Variants in TASP1 observed in about 807,000 individuals in gnomAD.
TASP1 encodes the protein taspase 1, also known as threonine aspartase 1.
A neutral mutation model predicts 56.6 loss-of-function variants in TASP1; 16 were observed. The ratio of observed to expected loss-of-function variants is 0.28; its 90% CI spans 0.19 to 0.43. TASP1 has a LOEUF of 0.43. TASP1 is among the 20% of genes least tolerant of loss of function. TASP1 has a pLI of 1.00. For missense variants in TASP1, 393 were observed against 511.6 expected (o/e 0.77, Z 2.24); for synonymous variants, 179 against 184.2 (o/e 0.97, Z 0.23).
intron 13 of TASP1, among the ~76,000 whole-genome samples, chr20:13,396,952 A>G (rs1185188870): frequency 1.3e-5 from 2 of 152,352 alleles, no homozygotes; most frequent in African/African-American, 2.4e-5. Flanking sequence ...TGAGAACAGC[A>G]TATTCTTCCA....
the TASP1 span, among the ~76,000 whole-genome samples, chr20:13,272,948 G>A: frequency 6.6e-6 from 1 of 152,200 alleles, no homozygotes; most frequent in South Asian, 2.1e-4. Context: ...TCCCAGAGGT[G>A]GGAATGTCAC....
the TASP1 span, chr20:13,168,093 G>A: frequency 6.6e-6 from 1 of 151,796 alleles, no homozygotes; most frequent in Non-Finnish European, 1.5e-5. Flanking sequence ...ATTCATTTGG[G>A]TAAAATTATG....
At chr20:13,148,349 C>T in the TASP1 span, among the ~76,000 whole-genome samples, 1 of 152,144 alleles carries the variant, frequency 6.6e-6, no homozygotes, top group African/African-American at 2.4e-5. Flanking sequence ...AGCCAGAAAT[C>T]AGAAGAGATA....
the TASP1 span, among the ~76,000 whole-genome samples, chr20:13,273,184 C>T: frequency 3.3e-5 from 4 of 120,676 alleles, no homozygotes; most frequent in Non-Finnish European, 6.9e-5. Context: ...TCTGAAAATT[C>T]CCATTCCCTA....
chr20:13,133,888 C>A, the TASP1 span, among the ~76,000 whole-genome samples: 3 of 152,208 alleles, frequency 2.0e-5, no homozygotes, highest in African/African-American at 4.8e-5. Flanking sequence ...CCCCACCTGG[C>A]AACCTTTATT....
the TASP1 span, among the ~76,000 whole-genome samples, chr20:13,124,942 T>G: frequency 2.0e-5 from 3 of 152,136 alleles, no homozygotes; most frequent in Non-Finnish European, 2.9e-5. Flanking sequence ...AAGGAAGACA[T>G]AGCGAAGACA....
downstream of TASP1, among the ~76,000 whole-genome samples, chr20:13,386,645 G>A (rs1015194994): frequency 6.6e-6 from 1 of 151,904 alleles, no homozygotes; most frequent in African/African-American, 2.4e-5. Flanking sequence ...CAGGTCACTG[G>A]TATGCAATAT....
the TASP1 span, among the ~76,000 whole-genome samples, chr20:13,333,170 GC>G: frequency 2.6e-5 from 4 of 152,330 alleles, no homozygotes; most frequent in East Asian, 7.7e-4. Flanking sequence ...TGGATCACAT[GC>G]CCATGCAGCC....
At chr20:13,517,834 G>A (rs1044640935) in intron 10 of TASP1, among the ~76,000 whole-genome samples, 1 of 152,038 alleles carries the variant, frequency 6.6e-6, no homozygotes, top group Non-Finnish European at 1.5e-5. Flanking sequence ...AAGTTAATCA[G>A]ATATGAAGTG....
the TASP1 span, among the ~76,000 whole-genome samples, chr20:13,315,140 A>G: frequency 3.9e-5 from 6 of 152,122 alleles, no homozygotes; most frequent in African/African-American, 1.2e-4. Flanking sequence ...AGCAAAAAAC[A>G]ACAAGGACAA....
chr20:13,306,564 C>T, the TASP1 span, among the ~76,000 whole-genome samples: 1 of 63,908 alleles, frequency 1.6e-5, no homozygotes, highest in South Asian at 7.8e-4. Flanking sequence ...GGAGAAAGGA[C>T]AAAAAAAAAA....
Position 13,395,858 on chromosome 20 carries a change from C to T in TASP1, c.1171-5406G>A, listed in dbSNP as rs74178040. Among the ~76,000 whole-genome samples the T allele has an allele frequency of 3.5e-3, 536 of 152,038 alleles. 1 individual carries two copies. The highest frequency in any genetic ancestry group is 6.2e-3 in the Non-Finnish European group (419 of 67,976). On this transcript the variant is annotated intron_variant, in intron 13 of 13. Transcript: ENST00000337743. ...CTGGGACTATAGGCGCGTGCCACTA[C>T]ACCTGGCTAATTTTTTTTTTTTTTA...
chr20:13,228,457 C>A, the TASP1 span, among the ~76,000 whole-genome samples: 7 of 152,128 alleles, frequency 4.6e-5, no homozygotes, highest in South Asian at 6.2e-4. Context: ...TCTTATTTCC[C>A]CCCTAAGAAT....
At chr20:13,637,017 C>G (rs548425803) in intron 1 of TASP1, among the ~76,000 whole-genome samples, 1 of 152,232 alleles carries the variant, frequency 6.6e-6, no homozygotes, top group Admixed American at 6.5e-5. Context: ...TGGAAAGGGA[C>G]TTACATTTAG....
chr20:13,121,668 G>A, the TASP1 span, among the ~76,000 whole-genome samples: 2 of 152,110 alleles, frequency 1.3e-5, no homozygotes, highest in African/African-American at 4.8e-5. Flanking sequence ...AGCACCCAAT[G>A]GGGGAACGAG....
intron 2 of TASP1, among the ~76,000 whole-genome samples, chr20:13,628,577 G>A (rs956596042): frequency 6.6e-6 from 1 of 152,054 alleles, no homozygotes; most frequent in East Asian, 1.9e-4. Flanking sequence ...AGGCTTCTCG[G>A]GTTGTCCAGT....
chr20:13,228,890 T>C, the TASP1 span, among the ~76,000 whole-genome samples: 5 of 152,318 alleles, frequency 3.3e-5, no homozygotes, highest in Admixed American at 1.3e-4. Context: ...TTCTGGCTAT[T>C]TCAACCCCAG....
intron 13 of TASP1, among the ~76,000 whole-genome samples, chr20:13,412,376 T>C (rs2042120727): frequency 6.6e-6 from 1 of 152,228 alleles, no homozygotes; most frequent in Admixed American, 6.5e-5. Context: ...TGTCTCTTTC[T>C]GGAATTTAGT....
At chr20:13,462,941 C>T (rs181018491) in intron 11 of TASP1, among the ~76,000 whole-genome samples, 37 of 152,194 alleles carry the variant, frequency 2.4e-4, no homozygotes, top group African/African-American at 8.7e-4. Flanking sequence ...GATGTCAATA[C>T]TACCCAGAAT....
Sources: allele counts gnomAD v4.1 joint callset (sites outside exome capture counted in the v4.1 genomes callset), GRCh38; gene constraint gnomAD v4.1.1; transcripts MANE v1.5; gene names NCBI Gene and HGNC (gene_info 2026-07-23, HGNC 2026-07-21).